The following TENM3 variants were observed in gnomAD, a reference collection of about 807,000 sequenced individuals.
The protein encoded by TENM3 is teneurin-3.
TENM3 carries 63 observed loss-of-function variants against 255.1 expected under a neutral mutation model. The observed-to-expected ratio is 0.25, with a 90% confidence interval of 0.20 to 0.30. The LOEUF (loss-of-function observed/expected upper bound fraction) is 0.30, where lower values mean the gene tolerates loss of function less well. Among genes scored for constraint, TENM3 ranks in the 10% least tolerant of loss-of-function variants. TENM3 has a pLI of 1.00. For missense variants in TENM3, 2,929 were observed against 3,461.1 expected, an observed-to-expected ratio of 0.85 and a Z score of 3.86; for synonymous variants, 1,306 against 1,322.3, an observed-to-expected ratio of 0.99 and a Z score of 0.27.
At chr4:181,828,387 G>A in the TENM3 span, among the ~76,000 whole-genome samples, 8 of 152,214 alleles carry the variant, frequency 5.3e-5, no homozygotes, top group Admixed American at 2.6e-4. Flanking sequence ...TTCAATACTA[G>A]TGGCATTTGT....
chr4:181,920,988 G>T, the TENM3 span, among the ~76,000 whole-genome samples: 1 of 152,144 alleles, frequency 6.6e-6, no homozygotes, highest in Non-Finnish European at 1.5e-5. Context: ...TATTAAATAG[G>T]GAATCCTTTC....
the TENM3 span, among the ~76,000 whole-genome samples, chr4:181,473,708 A>G: frequency 7.0e-6 from 1 of 142,498 alleles, no homozygotes; most frequent in Non-Finnish European, 1.5e-5. Context: ...GCCCTTTTTC[A>G]ATATATATCT....
At chr4:182,469,038 G>A (rs1180206018) in intron 3 of TENM3, among the ~76,000 whole-genome samples, 1 of 152,106 alleles carries the variant, frequency 6.6e-6, no homozygotes, top group African/African-American at 2.4e-5. Flanking sequence ...ACGATGAGAT[G>A]ATTTTAGGAT....
chr4:182,560,374 C>G (rs1410764427), intron 3 of TENM3, among the ~76,000 whole-genome samples: 1 of 152,084 alleles, frequency 6.6e-6, no homozygotes, highest in Non-Finnish European at 1.5e-5. Flanking sequence ...ATTCCATTCC[C>G]AAGGTGATTC....
At chr4:181,891,692 A>G in the TENM3 span, among the ~76,000 whole-genome samples, 1 of 152,122 alleles carries the variant, frequency 6.6e-6, no homozygotes, top group Admixed American at 6.6e-5. Flanking sequence ...CCATGCCTTT[A>G]TCCTTCATTT....
the TENM3 span, among the ~76,000 whole-genome samples, chr4:182,075,405 G>A: frequency 8.1e-4 from 123 of 151,930 alleles, 1 homozygote; most frequent in Admixed American, 2.3e-3. Context: ...TCACCATGTT[G>A]GCCAGGATGG....
rs1354484608 is a variant in TENM3 at position 182,560,095 on chromosome 4, TA to T, written c.512-40822del. Among the ~76,000 whole-genome samples, 142 of 149,344 alleles carry T rather than the reference TA, an allele frequency of 9.5e-4. 1 individual carries two copies. Among genetic ancestry groups the T allele is most frequent in the Non-Finnish European group, 1.2e-3 (81 of 67,154 alleles). On this transcript the variant is annotated intron_variant, in intron 3 of 27. Transcript: ENST00000511685. ...TTAAAAAAAGGTTTTTTTTTTTTTT[TA>T]AAAAAAGAGTAACTATCCCCACAAC...
At chr4:181,777,738 G>T in the TENM3 span, among the ~76,000 whole-genome samples, 2 of 152,188 alleles carry the variant, frequency 1.3e-5, no homozygotes, top group East Asian at 1.9e-4. Flanking sequence ...ATATCACATA[G>T]AAATTTTTAA....
chr4:181,485,423 G>A, the TENM3 span, among the ~76,000 whole-genome samples: 5 of 151,922 alleles, frequency 3.3e-5, no homozygotes, highest in Admixed American at 1.3e-4. Flanking sequence ...TCCTGCTGAC[G>A]CATTATTCAT....
the TENM3 span, among the ~76,000 whole-genome samples, chr4:182,007,207 A>G: frequency 6.6e-6 from 1 of 152,106 alleles, no homozygotes; most frequent in Admixed American, 6.5e-5. Flanking sequence ...TATTCTGTTG[A>G]TTTGGGGTAG....
At chr4:181,707,893 A>G in the TENM3 span, among the ~76,000 whole-genome samples, 1 of 152,250 alleles carries the variant, frequency 6.6e-6, no homozygotes, top group African/African-American at 2.4e-5. Context: ...ATAAAAGGAT[A>G]CAGAAAAGAT....
chr4:182,436,269 T>A (rs939873133), intron 3 of TENM3, among the ~76,000 whole-genome samples: 13 of 152,282 alleles, frequency 8.5e-5, no homozygotes, highest in African/African-American at 2.9e-4. Flanking sequence ...CGGACCGAGT[T>A]CCGAGTGCGT....
the TENM3 span, among the ~76,000 whole-genome samples, chr4:181,940,199 C>T: frequency 1.3e-5 from 2 of 152,162 alleles, no homozygotes; most frequent in Admixed American, 1.3e-4. Context: ...TAAAGTTGGT[C>T]TGTCCCTTTA....
chr4:181,690,970 C>G, the TENM3 span, among the ~76,000 whole-genome samples: 5 of 152,128 alleles, frequency 3.3e-5, no homozygotes, highest in Non-Finnish European at 5.9e-5. Context: ...TATGACGGCT[C>G]TCTCCTTTTG....
intron 4 of TENM3, among the ~76,000 whole-genome samples, chr4:182,604,169 C>T (rs1316198704): frequency 6.6e-6 from 1 of 152,158 alleles, no homozygotes; most frequent in Non-Finnish European, 1.5e-5. Flanking sequence ...AACATTTGCT[C>T]CTGCTGGAGA....
chr4:181,516,691 G>T, the TENM3 span, among the ~76,000 whole-genome samples: 1 of 151,874 alleles, frequency 6.6e-6, no homozygotes, highest in Non-Finnish European at 1.5e-5. Context: ...CAGGAGAATC[G>T]CTGGAACTCG....
At chr4:182,434,674 T>C (rs1027283760) in intron 3 of TENM3, among the ~76,000 whole-genome samples, 3 of 151,966 alleles carry the variant, frequency 2.0e-5, no homozygotes, top group African/African-American at 7.2e-5. Flanking sequence ...ATTGGTATAC[T>C]TTATTTTTAA....
At chr4:181,737,113 C>A in the TENM3 span, among the ~76,000 whole-genome samples, 2 of 152,156 alleles carry the variant, frequency 1.3e-5, no homozygotes, top group African/African-American at 2.4e-5. Flanking sequence ...AGACCAAGTT[C>A]TCTTCCATGG....
chr4:182,134,870 C>T, the TENM3 span, among the ~76,000 whole-genome samples: 1 of 152,008 alleles, frequency 6.6e-6, no homozygotes, highest in Non-Finnish European at 1.5e-5. Flanking sequence ...AAATGCATCA[C>T]GCCACAGAGA....
Sources: gnomAD v4.1 joint callset for allele counts (sites outside exome capture counted in the v4.1 genomes callset) on GRCh38, gnomAD v4.1.1 for gene constraint, MANE v1.5 for transcripts, NCBI Gene and HGNC (gene_info 2026-07-23, HGNC 2026-07-21) for gene names.